CES4A: variants seen among roughly 807,000 people sequenced by gnomAD.
CES4A encodes the protein carboxylesterase 6.
CES4A carries 48 observed loss-of-function variants against 65.4 expected under a neutral mutation model. The ratio of observed to expected loss-of-function variants is 0.73; its 90% CI spans 0.58 to 0.93. The LOEUF is 0.93. CES4A is among the 40% of genes least tolerant of loss of function. The pLI is 0.00. For synonymous variants in CES4A, 247 were observed against 281.8 expected (o/e 0.88, Z 1.24); for missense variants, 685 against 728.5 (o/e 0.94, Z 0.69).
Position 67,000,737 on chromosome 16 carries a change from C to T in CES4A, c.360C>T (p.Asn120=). The T allele has an allele frequency of 1.9e-6, 3 of 1,549,748 alleles. No homozygotes were observed. Among genetic ancestry groups the T allele is most frequent in the Non-Finnish European group, 1.7e-6 (2 of 1,146,504 alleles). ...TCAGCGAGGACTGTCTGTACCTGAACGTGTACGCGCCGGCGCGCGCGCCCG... is the reference window on the plus strand; with the variant it reads ...TCAGCGAGGACTGTCTGTACCTGAATGTGTACGCGCCGGCGCGCGCGCCCG... Residue 120 remains asparagine, a synonymous_variant, in exon 3 of 14, where the codon AAC becomes AAT. Coordinates refer to ENST00000648724, the Ensembl canonical transcript of CES4A. This position sits in a 1 kb window ranked among gnomAD's most constrained non-coding sequence, Gnocchi z 4.2.
At chr16:67,009,000 G>T (rs906668168) in exon 14 of CES4A, 6 of 1,614,062 alleles carry the variant, frequency 3.7e-6, no homozygotes, top group Non-Finnish European at 1.7e-6. Context: ...AATCTGCCCT[G>T]CTGGCCACGC....
At position 67,001,486 on chromosome 16, in the gene CES4A, G is replaced by A. The variant is rs533558138; in HGVS notation, c.690+25G>A. 3.8e-6 allele frequency: 6 copies of A among 1,573,474 alleles called. No homozygotes were observed. Among genetic ancestry groups the A allele is most frequent in the African/African-American group, 2.7e-5 (2 of 73,820 alleles). On this transcript the variant is annotated intron_variant, in intron 5 of 13. Coordinates refer to ENST00000648724, the Ensembl canonical transcript of CES4A. The surrounding 1 kb of genome is among the most constrained non-coding windows in gnomAD (Gnocchi z 4.1). ...GGTGAGAGCAATGCCCAGACGGACC[G>A]AGCACAGACTTAGGCTCCTGCGTTC...
chr16:66,996,276 C>T (rs567849697), intron 2 of CES4A: 4 of 331,332 alleles, frequency 1.2e-5, no homozygotes, highest in African/African-American at 8.8e-5. Flanking sequence ...ACCTCGTGAT[C>T]CACATGCCTC....
At chr16:67,006,554 T>G in intron 12 of CES4A, 35 bp downstream of exon 12, 1 of 1,547,048 alleles carries the variant, frequency 6.5e-7, no homozygotes, top group East Asian at 2.4e-5. Flanking sequence ...CAACTGGGTG[T>G]CCAGTCTCCC....
At chr16:66,996,612 TA>T (rs1260388718) in intron 2 of CES4A, among the ~76,000 whole-genome samples, 2 of 152,218 alleles carry the variant, frequency 1.3e-5, no homozygotes, top group African/African-American at 4.8e-5. Context: ...GACTATTGAG[TA>T]ATCCACTGTC....
At chr16:67,008,784 A>T in intron 13 of CES4A, 190 bp from the exon 14 acceptor site, 1 of 608,126 alleles carries the variant, frequency 1.6e-6, no homozygotes, top group South Asian at 2.0e-5. Flanking sequence ...CCTGGCACAT[A>T]CTGTTTGCTC....
At position 67,000,497 on chromosome 16, in the gene CES4A, A is replaced by ACACGCACACGCACGCACATGCG. The variant is rs929432815; in HGVS notation, c.261-125_261-104dup. The ACACGCACACGCACGCACATGCG allele has an allele frequency of 1.4e-6, 2 of 1,438,608 alleles. No individual in the cohort carries two copies. Among genetic ancestry groups the ACACGCACACGCACGCACATGCG allele is most frequent in the Admixed American group, 2.7e-5 (1 of 37,044 alleles). 89.1% of individuals were successfully genotyped at this position (1,438,608 alleles called of 1,614,324 possible). ...CCCGGGGCTGGCGGAGGCCTCCTGT[A>ACACGCACACGCACGCACATGCG]CACGCACACGCACGCACATGCGCAC... is the stretch of plus-strand genomic sequence containing the variant. On this transcript the variant is annotated intron_variant, in intron 2 of 13. Coordinates refer to ENST00000648724, the Ensembl canonical transcript of CES4A. The surrounding 1 kb of genome is among the most constrained non-coding windows in gnomAD (Gnocchi z 4.2).
rs766294699 is a variant in CES4A at position 67,003,031 on chromosome 16, T to A, written c.691-39T>A. The A allele has an allele frequency of 1.3e-6, 2 of 1,538,844 alleles. No homozygotes were observed. The highest frequency in any genetic ancestry group is 4.5e-5 in the East Asian group (2 of 44,508). On this transcript the variant is annotated intron_variant, in intron 5 of 13. Transcript: ENST00000648724. The surrounding 1 kb of genome is among the most constrained non-coding windows in gnomAD (Gnocchi z 4.2). Reference sequence around the variant, plus strand: ...CCCAGAACAGCCCAGGTGTCTCTACTTGGGCATCTCACGGGTGTATTCCTC... The same window carrying A: ...CCCAGAACAGCCCAGGTGTCTCTACATGGGCATCTCACGGGTGTATTCCTC...
exon 1 of CES4A, chr16:66,988,700 T>C: frequency 6.5e-7 from 1 of 1,549,974 alleles, no homozygotes; most frequent in Non-Finnish European, 8.7e-7. Context: ...TAGACACGGC[T>C]ACCATGCCAT....
intron 13 of CES4A, 71 bp downstream of exon 13, chr16:67,006,888 C>CTTCA: frequency 6.9e-7 from 1 of 1,439,190 alleles, no homozygotes; most frequent in Non-Finnish European, 9.7e-7. Flanking sequence ...CCAGCTGCTT[C>CTTCA]GGATATTTGC....
Position 66,996,106 on chromosome 16 carries a change from C to T in CES4A, c.260+277C>T, listed in dbSNP as rs140153788. 1,789 of 536,384 alleles carry T rather than the reference C, an allele frequency of 3.3e-3. 27 individuals are homozygous for T. The highest frequency in any genetic ancestry group is 0.029 in the African/African-American group (1,560 of 53,090). 33.2% of individuals were successfully genotyped at this position (536,384 alleles called of 1,614,324 possible). On this transcript the variant is annotated intron_variant, in intron 2 of 13. Transcript: ENST00000648724. ...AGGCTGGAGTGCAGTGGCACGATCT[C>T]GGCTCACTGCAACCTCCGCCTCCCG...
chr16:67,000,469 G>A lies in CES4A; in HGVS notation c.261-169G>A. ...GAGGCCAACCTGCCTCCCAGTCCTG[G>A]GCCCCGGGGCTGGCGGAGGCCTCCT... On this transcript the variant is annotated intron_variant, in intron 2 of 13. Coordinates refer to ENST00000648724, the Ensembl canonical transcript of CES4A. This position sits in a 1 kb window ranked among gnomAD's most constrained non-coding sequence, Gnocchi z 4.2. 4.9e-6 allele frequency: 7 copies of A among 1,421,842 alleles called. No individual in the cohort carries two copies. Among genetic ancestry groups the A allele is most frequent in the East Asian group, 2.6e-5 (1 of 38,458 alleles). 88.1% of individuals were successfully genotyped at this position (1,421,842 alleles called of 1,614,324 possible). A position where few individuals can be genotyped will look rare whatever the true frequency, so the allele number is the denominator to read the frequency against.
At chr16:67,005,114 G>GCT (rs1320302270) in intron 10 of CES4A, 126 bp from the exon 11 acceptor site, 24 of 967,510 alleles carry the variant, frequency 2.5e-5, no homozygotes, top group Non-Finnish European at 3.2e-5. Context: ...TTCCCAGGAA[G>GCT]CTCCCTTTCT....
chr16:66,994,737 G>T (rs1964687431), intron 1 of CES4A, among the ~76,000 whole-genome samples: 2 of 151,518 alleles, frequency 1.3e-5, no homozygotes, highest in Admixed American at 1.3e-4. Context: ...TACTCGGGAG[G>T]CCGAGGCAGG....
At chr16:66,989,885 G>T (rs541089333) in intron 1 of CES4A, among the ~76,000 whole-genome samples, 21 of 151,076 alleles carry the variant, frequency 1.4e-4, no homozygotes, top group Admixed American at 3.3e-4. Context: ...CATCTCCAGC[G>T]TCCCATGTAC....
chr16:66,999,837 AGAG>A (rs1378172195), intron 2 of CES4A, among the ~76,000 whole-genome samples: 3 of 152,204 alleles, frequency 2.0e-5, no homozygotes, highest in African/African-American at 7.2e-5. Context: ...GAGGCACAGA[AGAG>A]GAAGTGACCA....
At chr16:66,988,638 C>A in exon 1 of CES4A, 1 of 1,496,112 alleles carries the variant, frequency 6.7e-7, no homozygotes, top group African/African-American at 1.4e-5. Context: ...TCCTCCCGCC[C>A]CAGTACTTGC....
At chr16:66,998,009 G>T (rs1421904425) in intron 2 of CES4A, among the ~76,000 whole-genome samples, 4 of 148,810 alleles carry the variant, frequency 2.7e-5, no homozygotes, top group Non-Finnish European at 4.4e-5. Flanking sequence ...AGTTCCTTTT[G>T]GGGCCTATTA....
Position 67,000,569 on chromosome 16 carries a change from G to A in CES4A, c.261-69G>A. The A allele has an allele frequency of 6.7e-7, 1 of 1,497,968 alleles. No homozygotes were observed. Among genetic ancestry groups the A allele is most frequent in the East Asian group, 2.5e-5 (1 of 40,012 alleles). The allele number at this position is 1,497,968 out of a possible 1,614,324, so 92.8% of individuals were successfully genotyped here. A position where few individuals can be genotyped will look rare whatever the true frequency, so the allele number is the denominator to read the frequency against. On this transcript the variant is annotated intron_variant, in intron 2 of 13. Coordinates refer to ENST00000648724, the Ensembl canonical transcript of CES4A. This position sits in a 1 kb window ranked among gnomAD's most constrained non-coding sequence, Gnocchi z 4.2. The stretch of plus-strand genomic sequence containing the variant: ...CTGCCTGGATTTTGCTTTGGGTTCC[G>A]TCTTCTCACTGCGGACCCTGGATTG...
Sources: allele counts gnomAD v4.1 joint callset (sites outside exome capture counted in the v4.1 genomes callset), GRCh38; gene constraint gnomAD v4.1.1; non-coding constraint Gnocchi (gnomAD v3.1); transcripts MANE v1.5; gene names NCBI Gene and HGNC (gene_info 2026-07-23, HGNC 2026-07-21).